ADAMTS2: variants seen among roughly 807,000 people sequenced by gnomAD.
ADAMTS2 encodes the protein A disintegrin and metalloproteinase with thrombospondin motifs 2.
Under a neutral mutation model 123.0 loss-of-function variants are expected in ADAMTS2, and 50 were observed. The observed-to-expected ratio is 0.41, with a 90% confidence interval of 0.32 to 0.51. ADAMTS2 has a LOEUF of 0.51. Among genes scored for constraint, ADAMTS2 ranks in the 20% least tolerant of loss-of-function variants. ADAMTS2 has a pLI of 0.35. For missense variants in ADAMTS2, 1,494 were observed against 1,705.2 expected (o/e 0.88, Z 2.18); for synonymous variants, 678 against 695.4 (o/e 0.98, Z 0.39).
intron 19 of ADAMTS2, among the ~76,000 whole-genome samples, chr5:179,124,510 C>T (rs1762817898): frequency 6.6e-6 from 1 of 152,206 alleles, no homozygotes; most frequent in South Asian, 2.1e-4. Context: ...CCCGGGCTAC[C>T]CTCAGTTTCC....
At chr5:179,327,065 C>T (rs989813372) in intron 2 of ADAMTS2, among the ~76,000 whole-genome samples, 1 of 152,224 alleles carries the variant, frequency 6.6e-6, no homozygotes, top group Non-Finnish European at 1.5e-5. Context: ...AGGGTTCCAT[C>T]CTTGCTCAGC....
rs554954746 is a variant in ADAMTS2, at chr5:179,207,809, T to C, written c.689-94A>G. ...GCTTGGCCATCCTCTCATTTAAAAC[T>C]CATAGCACCCTGAACCGAGGGTATT... On this transcript the variant is annotated intron_variant, in intron 3 of 21. Coordinates refer to ENST00000251582, the MANE Select transcript of ADAMTS2 (RefSeq NM_014244.5). 34 of 1,099,894 alleles carry C rather than the reference T, an allele frequency of 3.1e-5. No homozygotes were observed. In the East Asian group the frequency reaches 4.9e-4, roughly 16 times the overall value. The allele number at this position is 1,099,894 out of a possible 1,614,324, so 68.1% of individuals were successfully genotyped here. A position where few individuals can be genotyped will look rare whatever the true frequency, so the allele number is the denominator to read the frequency against.
At chr5:179,342,742 C>T (rs1757812211) in intron 2 of ADAMTS2, among the ~76,000 whole-genome samples, 1 of 152,212 alleles carries the variant, frequency 6.6e-6, no homozygotes, top group Admixed American at 6.5e-5. Flanking sequence ...CACACCCAAT[C>T]CAAAATAGAA....
intron 3 of ADAMTS2, among the ~76,000 whole-genome samples, chr5:179,211,995 G>T (rs1299583249): frequency 6.6e-6 from 1 of 152,250 alleles, no homozygotes; most frequent in African/African-American, 2.4e-5. Context: ...CAGAGAGGAG[G>T]AGTGGGCACG....
chr5:179,282,072 A>AT (rs1766928133), intron 2 of ADAMTS2, among the ~76,000 whole-genome samples: 1 of 152,078 alleles, frequency 6.6e-6, no homozygotes, highest in African/African-American at 2.4e-5. Flanking sequence ...ATTTATGAAT[A>AT]TTTTCTCTTG....
chr5:179,155,009 C>T lies in ADAMTS2; in HGVS notation c.1133-90G>A, dbSNP rs1237263253. ...CTAACTCCCAGGCGCTGCTTCTCCT[C>T]AAGGCCCCAATGCCCTCTCTACCAC... On this transcript the variant is annotated intron_variant, in intron 6 of 21. Transcript: ENST00000251582. The surrounding 1 kb of genome is among the most constrained non-coding windows in gnomAD (Gnocchi z 5.1). 4.3e-5 allele frequency: 51 copies of T among 1,189,334 alleles called. No homozygotes were observed. The highest frequency in any genetic ancestry group is 5.7e-5 in the Non-Finnish European group (47 of 818,478). 73.7% of individuals were successfully genotyped at this position (1,189,334 alleles called of 1,614,324 possible). A position where few individuals can be genotyped will look rare whatever the true frequency, so the allele number is the denominator to read the frequency against.
At chr5:179,140,799 CTTT>C (rs770094463) in intron 10 of ADAMTS2, among the ~76,000 whole-genome samples, 6 of 90,462 alleles carry the variant, frequency 6.6e-5, no homozygotes, top group African/African-American at 1.8e-4. Context: ...ACTGCATGCT[CTTT>C]TTTTTTTTTT....
intron 3 of ADAMTS2, among the ~76,000 whole-genome samples, chr5:179,227,614 T>C (rs1039192810): frequency 2.0e-5 from 3 of 152,138 alleles, no homozygotes; most frequent in Admixed American, 6.5e-5. Context: ...CAACCCCAGA[T>C]GCCCTCTAGG....
chr5:179,194,254 C>A (rs75994674), intron 4 of ADAMTS2, among the ~76,000 whole-genome samples: 4 of 152,008 alleles, frequency 2.6e-5, no homozygotes, highest in Non-Finnish European at 2.9e-5. Flanking sequence ...TGAGATCCAC[C>A]CACAAGACCC....
rs563588363 is a variant in ADAMTS2, at chr5:179,162,178, C to A, written c.976-3299G>T. On this transcript the variant is annotated intron_variant, in intron 5 of 21. Transcript: ENST00000251582. The surrounding 1 kb of genome is among the most constrained non-coding windows in gnomAD (Gnocchi z 5.1). ...TCCCTTCCGATGCCCTGGTGGGTTGCGGTGACTTCTGCCTGCCCTTGTTTC... is the reference window on the plus strand; with the variant it reads ...TCCCTTCCGATGCCCTGGTGGGTTGAGGTGACTTCTGCCTGCCCTTGTTTC... Among the ~76,000 whole-genome samples the A allele has an allele frequency of 6.6e-6, 1 of 152,304 alleles. No individual in the cohort carries two copies. The highest frequency in any genetic ancestry group is 2.1e-4 in the South Asian group (1 of 4,828).
intron 2 of ADAMTS2, among the ~76,000 whole-genome samples, chr5:179,286,257 C>G (rs1756017130): frequency 6.6e-6 from 1 of 150,900 alleles, no homozygotes; most frequent in South Asian, 2.1e-4. Flanking sequence ...TCGACAGGCC[C>G]TCCCCTGGGC....
At position 179,308,089 on chromosome 5, in the gene ADAMTS2, C is replaced by T. The variant is rs1756727527; in HGVS notation, c.535-35025G>A. ...TTCAGGATGGTGTAAGGTTTCCTTGCCAAGGTCCCTGTGGTGCAGAGTGGG... is the reference window on the plus strand; with the variant it reads ...TTCAGGATGGTGTAAGGTTTCCTTGTCAAGGTCCCTGTGGTGCAGAGTGGG... On this transcript the variant is annotated intron_variant, in intron 2 of 21. Transcript: ENST00000251582. This position sits in a 1 kb window ranked among gnomAD's most constrained non-coding sequence, Gnocchi z 6.6. Among the ~76,000 whole-genome samples, 1 of 152,144 alleles carries T rather than the reference C, an allele frequency of 6.6e-6. No individual in the cohort carries two copies. Among genetic ancestry groups the T allele is most frequent in the Non-Finnish European group, 1.5e-5 (1 of 68,036 alleles).
chr5:179,204,746 G>A (rs916299707), intron 4 of ADAMTS2, among the ~76,000 whole-genome samples: 4 of 152,208 alleles, frequency 2.6e-5, no homozygotes, highest in South Asian at 4.1e-4. Flanking sequence ...CCCACGCTGC[G>A]CTCTTGCAGT....
intron 2 of ADAMTS2, among the ~76,000 whole-genome samples, chr5:179,322,700 C>G (rs1757220094): frequency 6.6e-6 from 1 of 152,220 alleles, no homozygotes; most frequent in Non-Finnish European, 1.5e-5. Flanking sequence ...GCCTCGGCAG[C>G]TCCGCAGGCA....
intron 5 of ADAMTS2, among the ~76,000 whole-genome samples, chr5:179,173,019 A>G (rs1045605653): frequency 1.3e-5 from 2 of 151,544 alleles, no homozygotes; most frequent in African/African-American, 4.9e-5. Flanking sequence ...AGCCTGGGCA[A>G]CAGAGTGAGA....
At chr5:179,289,535 G>A (rs1756127591) in intron 2 of ADAMTS2, among the ~76,000 whole-genome samples, 2 of 152,206 alleles carry the variant, frequency 1.3e-5, no homozygotes, top group Admixed American at 6.5e-5. Context: ...ACAAGAAACA[G>A]AATGCTCACA....
At position 179,113,624 on chromosome 5, in the gene ADAMTS2, C is replaced by T. The variant is rs976724936; in HGVS notation, c.*243G>A. 1.8e-6 allele frequency: 1 copy of T among 556,114 alleles called. No individual in the cohort carries two copies. Among genetic ancestry groups the T allele is most frequent in the African/African-American group, 1.9e-5 (1 of 53,052 alleles). 34.4% of individuals were successfully genotyped at this position (556,114 alleles called of 1,614,324 possible). ...AGGGAGGCCATACAGCCTCTATATT[C>T]CTCTCCACTGCACACCTGACGCCAC... On this transcript the variant is annotated 3_prime_UTR_variant, in exon 22 of 22. Coordinates refer to ENST00000251582, the MANE Select transcript of ADAMTS2 (RefSeq NM_014244.5).
intron 3 of ADAMTS2, among the ~76,000 whole-genome samples, chr5:179,235,969 C>G (rs1458824273): frequency 1.3e-5 from 2 of 152,230 alleles, no homozygotes; most frequent in Admixed American, 6.5e-5. Context: ...GTCCCAGGTG[C>G]CCTCCTGGTC....
At chr5:179,224,331 G>C (rs552197781) in intron 3 of ADAMTS2, among the ~76,000 whole-genome samples, 1 of 152,290 alleles carries the variant, frequency 6.6e-6, no homozygotes, top group East Asian at 1.9e-4. Flanking sequence ...CCGGCCGCAG[G>C]CCTCACACCA....
Sources: allele counts gnomAD v4.1 joint callset (sites outside exome capture counted in the v4.1 genomes callset), GRCh38; gene constraint gnomAD v4.1.1; non-coding constraint Gnocchi (gnomAD v3.1); transcripts MANE v1.5; gene names NCBI Gene and HGNC (gene_info 2026-07-23, HGNC 2026-07-21).